LPAR3: variants seen among roughly 807,000 people sequenced by gnomAD.
LPAR3 encodes LPA receptor 3.
Under a neutral mutation model 17.8 loss-of-function variants are expected in LPAR3, and 7 were observed. The ratio of observed to expected loss-of-function variants is 0.39; its 90% confidence interval spans 0.22 to 0.74. LPAR3 has a LOEUF of 0.74. Among genes scored for constraint, LPAR3 ranks in the 30% least tolerant of loss-of-function variants. The pLI, the probability that LPAR3 is intolerant of heterozygous loss-of-function variation, is 0.40. For missense variants in LPAR3, 391 were observed against 453.4 expected, an observed-to-expected ratio of 0.86 and a Z score of 1.25; for synonymous variants, 179 against 179.9, an observed-to-expected ratio of 0.99 and a Z score of 0.04.
At chr1:84,847,589 T>A (rs12088935) in intron 2 of LPAR3, among the ~76,000 whole-genome samples, 6,383 of 152,290 alleles carry the variant, frequency 0.042, 292 homozygotes, top group African/African-American at 0.11. Context: ...AAGACCCCCC[T>A]GTCCTCAGCT....
intron 1 of LPAR3, among the ~76,000 whole-genome samples, chr1:84,889,046 C>T (rs942200069): frequency 1.3e-4 from 19 of 151,758 alleles, no homozygotes; most frequent in Admixed American, 1.1e-3. Context: ...TATCAGGGGT[C>T]ATGGGCAAGG....
chr1:84,869,143 AT>A (rs1251347184), intron 1 of LPAR3, among the ~76,000 whole-genome samples: 1 of 152,208 alleles, frequency 6.6e-6, no homozygotes, highest in East Asian at 1.9e-4. Flanking sequence ...GGATCTTAAC[AT>A]TTTAGTTTTA....
At chr1:84,851,278 C>T (rs1049976540) in intron 2 of LPAR3, among the ~76,000 whole-genome samples, 2 of 152,198 alleles carry the variant, frequency 1.3e-5, no homozygotes, top group African/African-American at 2.4e-5. Context: ...TCATAAATGT[C>T]GATTCTCTTC....
chr1:84,837,119 T>C (rs1472276642), intron 2 of LPAR3, among the ~76,000 whole-genome samples: 1 of 151,902 alleles, frequency 6.6e-6, no homozygotes, highest in Non-Finnish European at 1.5e-5. Context: ...CCTCCTGCAT[T>C]CAAGTGATTC....
intron 2 of LPAR3, among the ~76,000 whole-genome samples, chr1:84,828,745 T>C (rs1323800595): frequency 6.6e-6 from 1 of 152,188 alleles, no homozygotes; most frequent in Non-Finnish European, 1.5e-5. Context: ...TCAGGAATTC[T>C]GCTTCTTGCA....
At chr1:84,887,089 G>C (rs1660474941) in intron 1 of LPAR3, among the ~76,000 whole-genome samples, 1 of 152,158 alleles carries the variant, frequency 6.6e-6, no homozygotes, top group South Asian at 2.1e-4. Flanking sequence ...TTGAGGCTGG[G>C]TGCAGGGGCT....
intron 2 of LPAR3, among the ~76,000 whole-genome samples, chr1:84,849,678 C>A (rs1341093558): frequency 2.0e-5 from 3 of 152,138 alleles, no homozygotes; most frequent in African/African-American, 7.2e-5. Context: ...CACGTAGCAC[C>A]AGTGTCCCTC....
chr1:84,851,217 T>A (rs1202162619), intron 2 of LPAR3, among the ~76,000 whole-genome samples: 1 of 152,254 alleles, frequency 6.6e-6, no homozygotes, highest in Non-Finnish European at 1.5e-5. Context: ...AATGAGCTGT[T>A]ATTAGAAATG....
At chr1:84,852,616 G>C (rs1277023335) in intron 2 of LPAR3, among the ~76,000 whole-genome samples, 1 of 152,166 alleles carries the variant, frequency 6.6e-6, no homozygotes, top group Non-Finnish European at 1.5e-5. Context: ...GCTGAGGATG[G>C]AGAGGCTGCT....
At chr1:84,891,126 G>C (rs1295044464) in intron 1 of LPAR3, among the ~76,000 whole-genome samples, 1 of 149,256 alleles carries the variant, frequency 6.7e-6, no homozygotes, top group Non-Finnish European at 1.5e-5. Context: ...ATATCTTGCA[G>C]AACAGCAAGA....
rs926943375 is a variant in LPAR3 at position 84,865,541 on chromosome 1, A to T, written c.580T>A (p.Ser194Thr). The change falls in exon 2 of 3, where the codon TCC becomes ACC. Residue 194 changes from serine (S) to threonine (T), a missense_variant. Coordinates refer to ENST00000370611, the MANE Select transcript of LPAR3 (RefSeq NM_012152.3). Reference protein sequence around the residue: ...SRSYLVFWTVSNLMAFLIMVV... With the variant: ...SRSYLVFWTVTNLMAFLIMVV... The stretch of plus-strand genomic sequence containing the variant: ...ATGATGAGGAAGGCCATGAGGTTGG[A>T]CACTGTCCAGAAAACAAGGTAACTC... 2.5e-6 allele frequency: 4 copies of T among 1,614,200 alleles called. No homozygotes were observed. The highest frequency in any genetic ancestry group is 3.4e-6 in the Non-Finnish European group (4 of 1,180,042).
intron 2 of LPAR3, among the ~76,000 whole-genome samples, chr1:84,838,901 C>A (rs914381382): frequency 1.3e-5 from 2 of 152,202 alleles, no homozygotes; most frequent in South Asian, 4.1e-4. Flanking sequence ...CTGGCCCTGC[C>A]ATCTTTCATT....
intron 2 of LPAR3, among the ~76,000 whole-genome samples, chr1:84,819,095 C>T (rs947504930): frequency 6.6e-6 from 1 of 152,126 alleles, no homozygotes; most frequent in Non-Finnish European, 1.5e-5. Context: ...CCTTCCTTCC[C>T]GTCAGCATAA....
intron 1 of LPAR3, among the ~76,000 whole-genome samples, chr1:84,875,157 C>T (rs913501519): frequency 1.3e-5 from 2 of 152,122 alleles, no homozygotes; most frequent in South Asian, 2.1e-4. Flanking sequence ...GTGTTGGTCT[C>T]CCAAAGTGCT....
intron 1 of LPAR3, among the ~76,000 whole-genome samples, chr1:84,887,691 C>T (rs1660486343): frequency 6.6e-6 from 1 of 152,162 alleles, no homozygotes; most frequent in African/African-American, 2.4e-5. Context: ...TTGTAAGAAG[C>T]TAAGAAGAGC....
chr1:84,814,144 C>A lies in LPAR3; in HGVS notation c.764G>T (p.Gly255Val). 1.2e-6 allele frequency: 2 copies of A among 1,614,048 alleles called. No homozygotes were observed. The highest frequency in any genetic ancestry group is 1.7e-6 in the Non-Finnish European group (2 of 1,180,018). ...LGAFVVCWTP[G>V]LVVLLLDGLN... is the part of the protein sequence containing the mutation. The stretch of plus-strand genomic sequence containing the variant: ...GCCGTCGAGGAGCAGAACCACCAGG[C>A]CCGGGGTCCAGCATACCACAAACGC... Residue 255 changes from glycine to valine, a missense_variant, in exon 3 of 3, where the codon GGC becomes GTC. Physicochemically the swap from Gly to Val is moderately radical, Grantham distance 109. Transcript: ENST00000370611.
chr1:84,816,622 A>T (rs1325655184), intron 2 of LPAR3, among the ~76,000 whole-genome samples: 2 of 151,954 alleles, frequency 1.3e-5, no homozygotes, highest in African/African-American at 4.8e-5. Context: ...ACATGGTGAA[A>T]CCCTGTCTCT....
At chr1:84,872,009 T>G (rs1660166042) in intron 1 of LPAR3, among the ~76,000 whole-genome samples, 1 of 152,154 alleles carries the variant, frequency 6.6e-6, no homozygotes, top group Non-Finnish European at 1.5e-5. Flanking sequence ...ACGGTCTATC[T>G]CCCCAACTTC....
chr1:84,823,737 A>G (rs576531651), intron 2 of LPAR3, among the ~76,000 whole-genome samples: 153 of 152,336 alleles, frequency 1.0e-3, no homozygotes, highest in Non-Finnish European at 9.7e-4. Flanking sequence ...CCACCTCCAG[A>G]TTCCACTTTA....
Sources: gnomAD v4.1 joint callset for allele counts (sites outside exome capture counted in the v4.1 genomes callset) on GRCh38, gnomAD v4.1.1 for gene constraint, MANE v1.5 for transcripts, NCBI Gene and HGNC (gene_info 2026-07-23, HGNC 2026-07-21) for gene names.